KDM6A: variants seen among roughly 807,000 people sequenced by gnomAD.
The protein encoded by KDM6A is lysine demethylase 6A.
A neutral mutation model predicts 117.6 loss-of-function variants in KDM6A; 11 were observed. The ratio of observed to expected loss-of-function variants is 0.09; its 90% CI spans 0.06 to 0.15. The LOEUF is 0.15. Among genes scored for constraint, KDM6A ranks in the 10% least tolerant of loss-of-function variants. The pLI is 1.00. For synonymous variants in KDM6A, 384 were observed against 396.1 expected, an observed-to-expected ratio of 0.97 and a Z score of 0.36; for missense variants, 799 against 1,077.3, an observed-to-expected ratio of 0.74 and a Z score of 3.62.
chrX:44,893,509 G>GTT (rs752050347), intron 2 of KDM6A, among the ~76,000 whole-genome samples: 9 of 91,848 alleles, frequency 9.8e-5, no homozygotes, highest in East Asian at 6.5e-4. Flanking sequence ...GTTGTGGGAG[G>GTT]TTTTTTTTTT....
intron 3 of KDM6A, among the ~76,000 whole-genome samples, chrX:44,966,136 ATT>A (rs1223201190): frequency 0.017 from 1,756 of 106,313 alleles, 39 homozygotes; most frequent in African/African-American, 0.058. Flanking sequence ...ATATATATAT[ATT>A]TTTTTTTTAA....
intron 2 of KDM6A, among the ~76,000 whole-genome samples, chrX:44,923,298 C>T (rs545975101): frequency 5.4e-5 from 6 of 110,258 alleles, no homozygotes; most frequent in East Asian, 2.8e-4. Context: ...TCACCAAATT[C>T]GGAAAATTTT....
chrX:45,053,449 A>C (rs139063358), intron 9 of KDM6A, among the ~76,000 whole-genome samples: 1,710 of 112,051 alleles, frequency 0.015, 16 homozygotes, highest in Non-Finnish European at 0.025. Context: ...ACAAAAAACA[A>C]AAAACACACA....
intron 4 of KDM6A, among the ~76,000 whole-genome samples, chrX:45,010,185 A>G (rs2041689555): frequency 9.0e-6 from 1 of 110,837 alleles, no homozygotes; most frequent in East Asian, 2.8e-4. Context: ...AATAAGGAGT[A>G]GGATCTGGGC....
chrX:45,058,139 T>G (rs748667137), intron 10 of KDM6A, among the ~76,000 whole-genome samples: 1 of 95,944 alleles, frequency 1.0e-5, no homozygotes, highest in African/African-American at 3.8e-5. Context: ...TCTCTTCTTA[T>G]CCTAAATTCT....
At chrX:45,082,490 A>G (rs926063429) in intron 21 of KDM6A, 86 bp from the exon 22 acceptor site, 1 of 605,458 alleles carries the variant, frequency 1.7e-6, no homozygotes, top group South Asian at 2.4e-5. Context: ...TATTCAATCT[A>G]GATATGAACT....
At chrX:44,885,116 C>G (rs1218551599) in intron 2 of KDM6A, among the ~76,000 whole-genome samples, 2 of 108,679 alleles carry the variant, frequency 1.8e-5, no homozygotes. Context: ...TCACTACAGC[C>G]TGACCTCCCA....
chrX:45,024,047 T>G (rs950763610), intron 6 of KDM6A, among the ~76,000 whole-genome samples: 7 of 112,390 alleles, frequency 6.2e-5, no homozygotes, highest in African/African-American at 2.3e-4. Flanking sequence ...TTGATGGGTA[T>G]TCAGGCTGGT....
chrX:44,878,138 A>AT (rs1187894482), intron 2 of KDM6A, among the ~76,000 whole-genome samples: 1 of 111,326 alleles, frequency 9.0e-6, no homozygotes, highest in Non-Finnish European at 1.9e-5. Context: ...TGGATTTGGG[A>AT]TTTTTTTGGG....
rs1460915908 is a variant in KDM6A at position 45,076,776 on chromosome X, T to A, written c.2938T>A (p.Tyr980Asn). The change falls in exon 19 of 30, where the codon TAC (tyrosine) becomes AAC (asparagine). Residue 980 changes from tyrosine to asparagine, a missense_variant. Tyr to Asn is a moderately radical substitution (Grantham distance 143). Transcript: ENST00000611820. ...ACCTCCAAGACCACCATCTTCACCA[T>A]ACCCTCCCTTGCCAAAGGACAAGTT... The part of the protein sequence containing the change: ...CPPPRPPSSP[Y>N]PPLPKDKLNP... 1 of 1,191,602 alleles carries A rather than the reference T, an allele frequency of 8.4e-7. No individual in the cohort carries two copies.
intron 15 of KDM6A, among the ~76,000 whole-genome samples, chrX:45,061,845 A>C (rs963279851): frequency 3.6e-5 from 4 of 110,592 alleles, no homozygotes; most frequent in African/African-American, 1.3e-4. Context: ...AAAATGCACA[A>C]AAGTAAAATG....
At chrX:44,908,390 C>T (rs933830901) in intron 2 of KDM6A, among the ~76,000 whole-genome samples, 3 of 111,114 alleles carry the variant, frequency 2.7e-5, no homozygotes, top group South Asian at 3.7e-4. Flanking sequence ...TTTTGCTGTA[C>T]GTGTTTGGGG....
intron 5 of KDM6A, among the ~76,000 whole-genome samples, chrX:45,018,350 C>A (rs1279821892): frequency 9.0e-6 from 1 of 111,453 alleles, no homozygotes; most frequent in Non-Finnish European, 1.9e-5. Context: ...TTGTCCTGGG[C>A]ACTTAATAGT....
intron 4 of KDM6A, among the ~76,000 whole-genome samples, chrX:44,992,217 T>TC (rs2040634288): frequency 2.0e-5 from 1 of 50,620 alleles, no homozygotes; most frequent in Admixed American, 2.1e-4. Context: ...TTTTTTTTTT[T>TC]TTTTTTTTTT....
At chrX:45,029,421 G>A (rs763667876) in intron 6 of KDM6A, among the ~76,000 whole-genome samples, 3 of 110,116 alleles carry the variant, frequency 2.7e-5, no homozygotes, top group South Asian at 3.9e-4. Flanking sequence ...CAACAAGAGC[G>A]AAACCCCATC....
intron 18 of KDM6A, among the ~76,000 whole-genome samples, chrX:45,075,897 G>T (rs1011163114): frequency 1.8e-5 from 2 of 111,258 alleles, no homozygotes; most frequent in East Asian, 5.6e-4. Context: ...TTTTGAACTT[G>T]TAATAATTCG....
chrX:44,967,840 A>G (rs73490904), intron 3 of KDM6A, among the ~76,000 whole-genome samples: 4 of 112,599 alleles, frequency 3.6e-5, no homozygotes, highest in African/African-American at 9.7e-5. Context: ...GGCTTTGTAA[A>G]ATATTTTCTT....
chrX:45,109,693 A>G (rs2046696350), intron 28 of KDM6A, among the ~76,000 whole-genome samples: 1 of 111,483 alleles, frequency 9.0e-6, no homozygotes, highest in Middle Eastern at 4.3e-3. Context: ...TGTATAAGAT[A>G]GAGGTATTAT....
intron 2 of KDM6A, among the ~76,000 whole-genome samples, chrX:44,914,313 G>C (rs764929172): frequency 1.8e-5 from 2 of 112,106 alleles, no homozygotes; most frequent in South Asian, 7.4e-4. Context: ...ATAGGTTTCT[G>C]TGAATTAAAT....
Sources: allele counts gnomAD v4.1 joint callset (sites outside exome capture counted in the v4.1 genomes callset), GRCh38; gene constraint gnomAD v4.1.1; transcripts MANE v1.5; gene names NCBI Gene and HGNC (gene_info 2026-07-23, HGNC 2026-07-21).